DOCK3: variants seen among roughly 807,000 people sequenced by gnomAD.
The protein encoded by DOCK3 is dedicator of cytokinesis protein 3.
Under a neutral mutation model 265.6 loss-of-function variants are expected in DOCK3, and 60 were observed. That is an observed-to-expected ratio of 0.23 (90% CI 0.18 to 0.28). The LOEUF (loss-of-function observed/expected upper bound fraction) is 0.28, where lower values mean the gene tolerates loss of function less well. Among genes scored for constraint, DOCK3 ranks in the 10% least tolerant of loss-of-function variants. The probability of loss-of-function intolerance (pLI) is 1.00; values close to 1 mark genes in which losing one functional copy is unlikely to be tolerated. For missense variants in DOCK3, 1,981 were observed against 2,594.3 expected, an observed-to-expected ratio of 0.76 and a Z score of 5.14; for synonymous variants, 881 against 938.0, an observed-to-expected ratio of 0.94 and a Z score of 1.11.
At chr3:51,347,973 T>C (rs1374231497) in intron 38 of DOCK3, among the ~76,000 whole-genome samples, 5 of 152,202 alleles carry the variant, frequency 3.3e-5, no homozygotes, top group Non-Finnish European at 7.3e-5. Flanking sequence ...TGCTTGTGAT[T>C]TTTGCACATT....
chr3:51,039,594 CTTTA>C (rs1242207221), intron 5 of DOCK3, among the ~76,000 whole-genome samples: 4 of 152,010 alleles, frequency 2.6e-5, no homozygotes, highest in Non-Finnish European at 4.4e-5. Flanking sequence ...TTGATAATTG[CTTTA>C]TTTGTTATTC....
In DOCK3 at chr3:50,741,975, C is replaced by T. The variant is rs1474264373; in HGVS notation, c.38-36700C>T. 1.9e-3 allele frequency among the ~76,000 whole-genome samples: 294 copies of T among 152,046 alleles called. 1 individual carries two copies. The highest frequency in any genetic ancestry group is 5.8e-3 in the African/African-American group (241 of 41,458). Reference sequence around the variant, plus strand: ...TTTTAATGATTGCCATTCTAACTGGCGTGAGATGGTATCTCATTGTGGTTT... The same window carrying T: ...TTTTAATGATTGCCATTCTAACTGGTGTGAGATGGTATCTCATTGTGGTTT... On this transcript the variant is annotated intron_variant, in intron 1 of 52. Transcript: ENST00000266037.
At chr3:51,150,527 G>A (rs992155139) in intron 10 of DOCK3, among the ~76,000 whole-genome samples, 1 of 152,166 alleles carries the variant, frequency 6.6e-6, no homozygotes, top group Admixed American at 6.5e-5. Flanking sequence ...AGAGATTCTG[G>A]TACGTTGTGT....
At chr3:50,743,264 G>A in intron 1 of DOCK3, among the ~76,000 whole-genome samples, 1 of 151,980 alleles carries the variant, frequency 6.6e-6, no homozygotes, top group East Asian at 1.9e-4. Context: ...GACCATCGAG[G>A]CTAGGAAGAA....
intron 27 of DOCK3, among the ~76,000 whole-genome samples, chr3:51,309,446 T>C (rs1314764640): frequency 6.6e-6 from 1 of 152,122 alleles, no homozygotes; most frequent in Non-Finnish European, 1.5e-5. Context: ...CAGTCAGGCG[T>C]GGCGGCGCGC....
chr3:51,380,230 C>G (rs1553618146), intron 52 of DOCK3, 23 bp downstream of exon 52: 1 of 1,604,384 alleles, frequency 6.2e-7, no homozygotes, highest in East Asian at 2.2e-5. Flanking sequence ...AGCGGCAGCC[C>G]CACCAGGCTG....
intron 1 of DOCK3, among the ~76,000 whole-genome samples, chr3:50,761,572 G>A (rs1323374308): frequency 2.6e-5 from 4 of 152,182 alleles, no homozygotes; most frequent in African/African-American, 9.6e-5. Flanking sequence ...GCCGTCAAAA[G>A]TGCTGGCCAG....
chr3:51,162,646 A>C (rs1415741139), intron 12 of DOCK3, among the ~76,000 whole-genome samples: 2 of 152,184 alleles, frequency 1.3e-5, no homozygotes, highest in African/African-American at 4.8e-5. Context: ...ATCTCTTTGC[A>C]TGTATTATGC....
At chr3:51,294,464 G>C (rs1430586834) in intron 27 of DOCK3, among the ~76,000 whole-genome samples, 1 of 152,146 alleles carries the variant, frequency 6.6e-6, no homozygotes, top group Admixed American at 6.5e-5. Context: ...GGATCACGAG[G>C]TCAGGAGATC....
chr3:50,935,604 C>G (rs2051315001), intron 5 of DOCK3, among the ~76,000 whole-genome samples: 1 of 152,214 alleles, frequency 6.6e-6, no homozygotes, highest in Non-Finnish European at 1.5e-5. Context: ...TTCCACCCTC[C>G]CTTCCCCGCT....
intron 2 of DOCK3, among the ~76,000 whole-genome samples, chr3:50,816,587 C>G (rs1017689822): frequency 6.6e-6 from 1 of 152,046 alleles, no homozygotes; most frequent in Admixed American, 6.5e-5. Context: ...TCCCAAAGTG[C>G]TGGGATTACA....
intron 33 of DOCK3, 104 bp downstream of exon 33, chr3:51,330,327 A>G: frequency 9.2e-7 from 1 of 1,087,746 alleles, no homozygotes; most frequent in Middle Eastern, 3.0e-4. Flanking sequence ...GAGGTTGGTC[A>G]TCAAGAGGGA....
At chr3:50,886,185 G>GATATATATATATATATATATAT (rs1491509664) in intron 3 of DOCK3, among the ~76,000 whole-genome samples, 1 of 120,970 alleles carries the variant, frequency 8.3e-6, no homozygotes, top group Non-Finnish European at 1.9e-5. Flanking sequence ...TTTTATTTTG[G>GATATATATATATATATATATAT]AGATATATAT....
chr3:51,305,762 T>TGTGTGTGTGTG (rs1384632654), intron 27 of DOCK3, among the ~76,000 whole-genome samples: 3 of 70,286 alleles, frequency 4.3e-5, no homozygotes, highest in African/African-American at 1.6e-4. Flanking sequence ...GTGTGTGTGT[T>TGTGTGTGTGTG]TTTATTATAG....
At chr3:51,246,907 T>TA (rs1369099351) in intron 22 of DOCK3, 100 bp downstream of exon 22, 82 of 1,152,766 alleles carry the variant, frequency 7.1e-5, no homozygotes, top group Non-Finnish European at 9.9e-5. Flanking sequence ...GACATCGCAG[T>TA]ACCTGGCCTG....
intron 52 of DOCK3, 144 bp from the exon 53 acceptor site, chr3:51,380,905 TG>T: frequency 9.3e-7 from 1 of 1,072,652 alleles, no homozygotes; most frequent in Non-Finnish European, 1.3e-6. Flanking sequence ...TGGGAGGAGC[TG>T]GGAGCTTGCT....
chr3:51,271,790 G>A (rs1416779992), intron 24 of DOCK3, among the ~76,000 whole-genome samples: 1 of 151,178 alleles, frequency 6.6e-6, no homozygotes, highest in Admixed American at 6.6e-5. Context: ...GGCGGAGGTG[G>A]CAGTAAGCCA....
At chr3:50,729,440 C>T (rs1371551121) in intron 1 of DOCK3, among the ~76,000 whole-genome samples, 2 of 150,406 alleles carry the variant, frequency 1.3e-5, no homozygotes, top group Non-Finnish European at 1.5e-5. Flanking sequence ...GCACAATGTG[C>T]AGGTTAGTTA....
At chr3:50,875,236 C>T (rs2047647092) in intron 3 of DOCK3, among the ~76,000 whole-genome samples, 3 of 152,102 alleles carry the variant, frequency 2.0e-5, no homozygotes, top group Admixed American at 2.0e-4. Context: ...ATTATGTTGT[C>T]TGCAAACAAG....
Sources: gnomAD v4.1 joint callset for allele counts (sites outside exome capture counted in the v4.1 genomes callset) on GRCh38, gnomAD v4.1.1 for gene constraint, MANE v1.5 for transcripts, NCBI Gene and HGNC (gene_info 2026-07-23, HGNC 2026-07-21) for gene names.